The following MARCHF7 variants were observed in gnomAD, a reference collection of about 807,000 sequenced individuals.
MARCHF7 encodes the protein membrane associated ring-CH-type finger 7.
Under a neutral mutation model 76.5 loss-of-function variants are expected in MARCHF7, and 20 were observed. That is an observed-to-expected ratio of 0.26 (90% CI 0.18 to 0.38). MARCHF7 has a LOEUF of 0.38. Ranked by LOEUF, MARCHF7 falls within the 10% of genes least tolerant of loss-of-function variation. MARCHF7 has a pLI of 1.00. For missense variants in MARCHF7, 797 were observed against 812.9 expected (o/e 0.98, Z 0.24); for synonymous variants, 295 against 293.0 (o/e 1.01, Z -0.07).
At chr2:159,723,166 A>G (rs1163042167) in intron 3 of MARCHF7, among the ~76,000 whole-genome samples, 2 of 152,206 alleles carry the variant, frequency 1.3e-5, no homozygotes. Context: ...CTGTTTAACC[A>G]TTAATATTCT....
chr2:159,739,052 G>C (rs1703810156), intron 4 of MARCHF7, among the ~76,000 whole-genome samples: 1 of 152,202 alleles, frequency 6.6e-6, no homozygotes, highest in Non-Finnish European at 1.5e-5. Flanking sequence ...TACACACCTG[G>C]ATCGTGACAG....
intron 11 of MARCHF7, among the ~76,000 whole-genome samples, chr2:159,765,662 TA>T (rs1707681249): frequency 6.6e-6 from 1 of 152,186 alleles, no homozygotes; most frequent in African/African-American, 2.4e-5. Context: ...AAGTAAGGTT[TA>T]AAAAGGACTT....
chr2:159,734,050 G>A, intron 4 of MARCHF7: 6 of 1,357,486 alleles, frequency 4.4e-6, no homozygotes, highest in Non-Finnish European at 5.8e-6. Flanking sequence ...TTGAATGATT[G>A]GCAACTATGA....
At chr2:159,739,097 G>A (rs909185186) in intron 4 of MARCHF7, among the ~76,000 whole-genome samples, 3 of 152,188 alleles carry the variant, frequency 2.0e-5, no homozygotes, top group African/African-American at 4.8e-5. Context: ...CTCCAAAATC[G>A]GAGCAGGAGG....
At chr2:159,722,385 C>T (rs1401673640) in intron 3 of MARCHF7, among the ~76,000 whole-genome samples, 3 of 152,136 alleles carry the variant, frequency 2.0e-5, no homozygotes, top group African/African-American at 4.8e-5. Context: ...TGATCCACCT[C>T]GGCCTCCCAA....
In MARCHF7 at chr2:159,743,209, C is replaced by T. The variant is rs772970520; in HGVS notation, c.302C>T (p.Thr101Ile). The T allele has an allele frequency of 1.9e-6, 3 of 1,613,964 alleles. No individual in the cohort carries two copies. The highest frequency in any genetic ancestry group is 3.3e-5 in the Admixed American group (2 of 59,976). Residue 101 changes from threonine to isoleucine, a missense_variant, in exon 5 of 12, where the codon ACC (threonine) becomes ATC (isoleucine). This residue lies in a region of MARCHF7 where 643 missense variants were observed against 631.5 expected (regional missense o/e 1.02). Transcript: ENST00000409175. ...RPKLSCTNCT[T>I]SAGRNVGNGL... is the part of the protein sequence containing the mutation. ...AAACTTTCCTGTACAAACTGTACTA[C>T]CTCAGCTGGGAGAAATGTTGGAAAT...
At chr2:159,744,145 G>A (rs1307192768) in intron 5 of MARCHF7, among the ~76,000 whole-genome samples, 1 of 151,082 alleles carries the variant, frequency 6.6e-6, no homozygotes, top group Non-Finnish European at 1.5e-5. Flanking sequence ...CCGCCACTAC[G>A]CCCGGCTAAT....
At chr2:159,761,875 A>G (rs17228775) in intron 9 of MARCHF7, among the ~76,000 whole-genome samples, 38,634 of 152,070 alleles carry the variant, frequency 0.25, 6,287 homozygotes, top group Admixed American at 0.43. Flanking sequence ...ATAATACTAT[A>G]TTTATGATTT....
intron 4 of MARCHF7, among the ~76,000 whole-genome samples, chr2:159,730,685 T>A (rs1702679706): frequency 6.6e-6 from 1 of 152,196 alleles, no homozygotes; most frequent in East Asian, 1.9e-4. Flanking sequence ...AATGTCATGG[T>A]GACATATAAA....
Position 159,752,530 on chromosome 2 carries a change from A to G in MARCHF7, c.1742A>G (p.Gln581Arg), listed in dbSNP as rs1369195598. The change falls in exon 8 of 12, where the codon CAA (glutamine) becomes CGA (arginine). Residue 581 changes from glutamine to arginine, a missense_variant. This residue lies in a region of MARCHF7 where 30 missense variants were observed against 60.1 expected (regional missense o/e 0.50). Transcript: ENST00000409175. ...ACAGGAAGTTTGCAGTATGTCCACC[A>G]AGACTGTATGAAAAAGTGGTTACAG... ...KCTGSLQYVHQDCMKKWLQAK... is the reference protein window; with the variant it reads ...KCTGSLQYVHRDCMKKWLQAK... 6.4e-7 allele frequency: 1 copy of G among 1,566,286 alleles called. No individual in the cohort carries two copies. The highest frequency in any genetic ancestry group is 8.6e-7 in the Non-Finnish European group (1 of 1,159,034).
intron 8 of MARCHF7, among the ~76,000 whole-genome samples, chr2:159,757,056 G>C (rs903728632): frequency 6.6e-6 from 1 of 151,984 alleles, no homozygotes; most frequent in African/African-American, 2.4e-5. Flanking sequence ...ACCACCCCTG[G>C]CTAATTTTTT....
intron 10 of MARCHF7, 90 bp downstream of exon 10, chr2:159,763,083 T>A: frequency 1.5e-6 from 1 of 648,848 alleles, no homozygotes; most frequent in Non-Finnish European, 2.5e-6. Flanking sequence ...TGACATCTTA[T>A]TTCCTTTGGG....
chr2:159,749,501 C>T (rs1412021160), intron 7 of MARCHF7, among the ~76,000 whole-genome samples: 1 of 151,942 alleles, frequency 6.6e-6, no homozygotes, highest in East Asian at 1.9e-4. Context: ...GCGCCTGCCA[C>T]CATACCTGGC....
intron 7 of MARCHF7, among the ~76,000 whole-genome samples, chr2:159,751,724 A>G (rs542422535): frequency 1.3e-5 from 2 of 152,306 alleles, no homozygotes; most frequent in African/African-American, 2.4e-5. Flanking sequence ...ATATAAAACT[A>G]TTACTCTGCA....
intron 9 of MARCHF7, 72 bp downstream of exon 9, chr2:159,759,407 A>C (rs1706728754): frequency 1.4e-6 from 1 of 691,732 alleles, no homozygotes; most frequent in East Asian, 2.7e-5. Context: ...GAAAAGATTA[A>C]ATCATGGTCA....
At chr2:159,758,989 A>G (rs911621493) in intron 8 of MARCHF7, among the ~76,000 whole-genome samples, 2 of 152,198 alleles carry the variant, frequency 1.3e-5, no homozygotes, top group African/African-American at 4.8e-5. Flanking sequence ...GAAAACAACC[A>G]AGGTATCTAA....
chr2:159,743,122 T>C lies in MARCHF7; in HGVS notation c.215T>C (p.Ile72Thr). ...FQSAWYSESE[I>T]TQGARSRSQN... ...TCTGCATGGTATAGTGAATCTGAGA[T>C]AACTCAGGGAGCACGCTCAAGATCG... Residue 72 changes from isoleucine (I) to threonine (T), a missense_variant, in exon 5 of 12, where the codon ATA becomes ACA. By Grantham distance (89) the Ile-to-Thr change is moderately conservative. Coordinates refer to ENST00000409175, the MANE Select transcript of MARCHF7 (RefSeq NM_001282805.2). The C allele has an allele frequency of 6.2e-7, 1 of 1,614,200 alleles. No homozygotes were observed. The highest frequency in any genetic ancestry group is 8.5e-7 in the Non-Finnish European group (1 of 1,180,042).
At chr2:159,733,081 G>A in intron 4 of MARCHF7, 3 of 612,170 alleles carry the variant, frequency 4.9e-6, no homozygotes, top group Non-Finnish European at 6.1e-6. Flanking sequence ...ATTTATAATT[G>A]TTAACTTTTA....
chr2:159,753,337 C>T (rs531194340), intron 8 of MARCHF7, among the ~76,000 whole-genome samples: 70 of 151,856 alleles, frequency 4.6e-4, no homozygotes, highest in African/African-American at 1.5e-3. Flanking sequence ...TTTGGGAGGC[C>T]GAGACGGGCG....
Sources: allele counts gnomAD v4.1 joint callset (sites outside exome capture counted in the v4.1 genomes callset), GRCh38; gene constraint gnomAD v4.1.1; regional missense constraint gnomAD v4.1.1; transcripts MANE v1.5; gene names NCBI Gene and HGNC (gene_info 2026-07-23, HGNC 2026-07-21).